STAM: variants seen among roughly 807,000 people sequenced by gnomAD.
STAM encodes the protein signal transducing adapter molecule 1.
Under a neutral mutation model 63.4 loss-of-function variants are expected in STAM, and 16 were observed. That is an observed-to-expected ratio of 0.25 (90% CI 0.17 to 0.38). The LOEUF is 0.38. Among genes scored for constraint, STAM ranks in the 10% least tolerant of loss-of-function variants. STAM has a pLI of 1.00. For missense variants in STAM, 636 were observed against 657.1 expected (o/e 0.97, Z 0.35); for synonymous variants, 238 against 223.9 (o/e 1.06, Z -0.56).
chr10:17,713,240 A>C (rs1836639344), intron 13 of STAM, among the ~76,000 whole-genome samples: 1 of 152,152 alleles, frequency 6.6e-6, no homozygotes, highest in African/African-American at 2.4e-5. Context: ...AGTGCACAGT[A>C]GATGGACTGC....
In STAM at chr10:17,644,281, G is replaced by A; in HGVS notation, c.-59G>A. 1 of 1,595,626 alleles carries A rather than the reference G, an allele frequency of 6.3e-7. No homozygotes were observed. The highest frequency in any genetic ancestry group is 8.6e-7 in the Non-Finnish European group (1 of 1,163,560). On this transcript the variant is annotated 5_prime_UTR_variant, in exon 1 of 14. Coordinates refer to ENST00000377524, the MANE Select transcript of STAM (RefSeq NM_003473.4). ...TGAGGAGTCTTCCATCCTACGTCGA[G>A]CTCTGACTCCCGTGCTGTCGAGAGG...
At chr10:17,697,821 A>G (rs1835827213) in intron 8 of STAM, among the ~76,000 whole-genome samples, 1 of 152,154 alleles carries the variant, frequency 6.6e-6, no homozygotes, top group Non-Finnish European at 1.5e-5. Context: ...TTGATATGCT[A>G]CAGTTATTTG....
chr10:17,692,730 GA>G (rs1554826927), intron 5 of STAM, among the ~76,000 whole-genome samples: 5 of 152,114 alleles, frequency 3.3e-5, no homozygotes, highest in Admixed American at 2.6e-4. Context: ...TAGGATTTTT[GA>G]GCATTTATAT....
chr10:17,671,205 A>G (rs1450967742), intron 2 of STAM, among the ~76,000 whole-genome samples: 9 of 152,172 alleles, frequency 5.9e-5, no homozygotes, highest in African/African-American at 9.7e-5. Flanking sequence ...TTCCTCCAAT[A>G]TAGACGTACA....
At chr10:17,712,124 A>C (rs1836582658) in intron 13 of STAM, among the ~76,000 whole-genome samples, 1 of 152,208 alleles carries the variant, frequency 6.6e-6, no homozygotes, top group East Asian at 1.9e-4. Context: ...CAATAATGCT[A>C]ACATTTAAGG....
At chr10:17,651,941 C>T (rs1336274008) in intron 1 of STAM, among the ~76,000 whole-genome samples, 1 of 152,192 alleles carries the variant, frequency 6.6e-6, no homozygotes, top group Non-Finnish European at 1.5e-5. Flanking sequence ...TCAAAAGTTG[C>T]TGCTTATCAG....
At chr10:17,696,989 G>A (rs782142839) in intron 8 of STAM, 120 bp downstream of exon 8, 15 of 707,916 alleles carry the variant, frequency 2.1e-5, no homozygotes, top group African/African-American at 1.4e-4. Context: ...GTGCGAGCTC[G>A]GATCATTGCA....
intron 6 of STAM, among the ~76,000 whole-genome samples, chr10:17,694,313 G>A (rs1835665364): frequency 6.6e-6 from 1 of 150,638 alleles, no homozygotes; most frequent in African/African-American, 2.4e-5. Flanking sequence ...GAAAAATATT[G>A]TTCCCTACCT....
chr10:17,691,095 GTT>G (rs1314342596), intron 5 of STAM, among the ~76,000 whole-genome samples: 1 of 152,222 alleles, frequency 6.6e-6, no homozygotes, highest in Non-Finnish European at 1.5e-5. Context: ...CATACCTGTA[GTT>G]TTCAGAAGTG....
intron 1 of STAM, among the ~76,000 whole-genome samples, chr10:17,656,494 C>G (rs1410750708): frequency 6.6e-6 from 1 of 152,036 alleles, no homozygotes; most frequent in African/African-American, 2.4e-5. Context: ...ATATTACTGT[C>G]TTTAGGTCTT....
chr10:17,683,452 G>A (rs1554825689), intron 2 of STAM, among the ~76,000 whole-genome samples: 1 of 152,060 alleles, frequency 6.6e-6, no homozygotes. Context: ...GTGAGCTGCT[G>A]CACCCAAGCT....
intron 13 of STAM, among the ~76,000 whole-genome samples, chr10:17,711,061 G>A (rs976463400): frequency 3.3e-5 from 5 of 152,172 alleles, no homozygotes; most frequent in Non-Finnish European, 5.9e-5. Flanking sequence ...GGTGTCCTGC[G>A]TATTTGACTC....
At chr10:17,645,569 T>C (rs1381575421) in intron 1 of STAM, among the ~76,000 whole-genome samples, 1 of 152,176 alleles carries the variant, frequency 6.6e-6, no homozygotes, top group Non-Finnish European at 1.5e-5. Context: ...TTAAATAATA[T>C]GTCTAGAGGG....
In STAM at chr10:17,671,130, G is replaced by A. The variant is rs532091720; in HGVS notation, c.125+10582G>A. On this transcript the variant is annotated intron_variant, in intron 2 of 13. Transcript: ENST00000377524. ...ATTTGAGTTCCCATGTCTTTTAGCT[G>A]CTGTGTGTCTGCTAGGTCCTGGTAT... Among the ~76,000 whole-genome samples the A allele has an allele frequency of 2.0e-5, 3 of 152,250 alleles. No homozygotes were observed. The South Asian group carries it at 6.2e-4, about 32-fold the overall frequency.
intron 9 of STAM, among the ~76,000 whole-genome samples, chr10:17,704,163 G>A (rs543230885): frequency 2.9e-4 from 44 of 152,290 alleles, no homozygotes; most frequent in African/African-American, 8.7e-4. Flanking sequence ...CGAGATCATA[G>A]CTCACTGCAG....
chr10:17,697,794 G>C (rs1835825682), intron 8 of STAM, among the ~76,000 whole-genome samples: 1 of 152,040 alleles, frequency 6.6e-6, no homozygotes, highest in Non-Finnish European at 1.5e-5. Flanking sequence ...AATTTTTAAA[G>C]AGCTTATATG....
intron 2 of STAM, among the ~76,000 whole-genome samples, chr10:17,675,493 G>A (rs1554824544): frequency 7.0e-6 from 1 of 143,590 alleles, no homozygotes; most frequent in South Asian, 2.3e-4. Context: ...GACAGAGTGA[G>A]ACTCTGTCTC....
intron 7 of STAM, chr10:17,696,266 G>A (rs542455903): frequency 1.3e-5 from 2 of 151,644 alleles, no homozygotes; most frequent in Non-Finnish European, 2.9e-5. Context: ...TTGAGTGCTT[G>A]CTAGCTTTCC....
At chr10:17,665,958 T>C (rs1834358067) in intron 2 of STAM, among the ~76,000 whole-genome samples, 1 of 152,158 alleles carries the variant, frequency 6.6e-6, no homozygotes, top group Admixed American at 6.5e-5. Context: ...CCTTCATTTG[T>C]TTAGAAATCA....
Sources: allele counts gnomAD v4.1 joint callset (sites outside exome capture counted in the v4.1 genomes callset), GRCh38; gene constraint gnomAD v4.1.1; transcripts MANE v1.5; gene names NCBI Gene and HGNC (gene_info 2026-07-23, HGNC 2026-07-21).